Variants in PDE4D observed in about 807,000 individuals in gnomAD.
PDE4D encodes the protein 3',5'-cyclic-AMP phosphodiesterase 4D.
In PDE4D, 24 loss-of-function variants were observed where a neutral mutation model predicts 87.4. That is an observed-to-expected ratio of 0.27 (90% CI 0.20 to 0.39). The LOEUF (loss-of-function observed/expected upper bound fraction) is 0.39. Among genes scored for constraint, PDE4D ranks in the 10% least tolerant of loss-of-function variants. The pLI, the probability that PDE4D is intolerant of heterozygous loss-of-function variation, is 1.00. For missense variants in PDE4D, 714 were observed against 1,041.0 expected (o/e 0.69, Z 4.32); for synonymous variants, 384 against 383.2 (o/e 1.00, Z -0.02).
chr5:60,207,070 G>T (rs1742624405), intron 1 of PDE4D, among the ~76,000 whole-genome samples: 1 of 152,138 alleles, frequency 6.6e-6, no homozygotes, highest in African/African-American at 2.4e-5. Context: ...GGTCCATAAG[G>T]TGTATGGATA....
Position 60,160,217 on chromosome 5 carries a change from CAT to C in PDE4D, c.42+25338_42+25339del, listed in dbSNP as rs1301917336. 2.0e-5 allele frequency among the ~76,000 whole-genome samples: 3 copies of C among 152,280 alleles called. 1 individual carries two copies. The highest frequency in any genetic ancestry group is 7.2e-5 in the African/African-American group (3 of 41,562). ...AAGAATACGGTATATAATACAAAAA[CAT>C]AAAAATTATGTGTTAATTGACTTTG... is the stretch of plus-strand genomic sequence containing the variant. On this transcript the variant is annotated intron_variant, in intron 2 of 16. Transcript: ENST00000502484.
chr5:60,457,915 C>A (rs372477018), intron 1 of PDE4D, among the ~76,000 whole-genome samples: 1 of 152,104 alleles, frequency 6.6e-6, no homozygotes, highest in South Asian at 2.1e-4. Flanking sequence ...GAACAAGATC[C>A]GATTGATTTG....
intron 5 of PDE4D, among the ~76,000 whole-genome samples, chr5:59,053,242 G>A (rs1280864696): frequency 6.6e-6 from 1 of 151,926 alleles, no homozygotes; most frequent in Non-Finnish European, 1.5e-5. Flanking sequence ...CCCTGATCTT[G>A]TAAGCCCAAA....
chr5:60,493,471 G>C (rs1435909767), intron 1 of PDE4D, among the ~76,000 whole-genome samples: 1 of 152,122 alleles, frequency 6.6e-6, no homozygotes, highest in African/African-American at 2.4e-5. Context: ...CAGAGCAAGA[G>C]AATATCAACT....
intron 2 of PDE4D, among the ~76,000 whole-genome samples, chr5:59,208,571 G>T (rs773876012): frequency 6.6e-6 from 1 of 152,026 alleles, no homozygotes; most frequent in Non-Finnish European, 1.5e-5. Flanking sequence ...TTATACTGTG[G>T]CATTAAAAAC....
intron 1 of PDE4D, chr5:59,768,127 T>C: frequency 7.8e-7 from 1 of 1,282,012 alleles, no homozygotes. Context: ...CACTTGGCCA[T>C]AAATCCCCGG....
chr5:59,956,672 T>C (rs1331109162), intron 3 of PDE4D, among the ~76,000 whole-genome samples: 2 of 152,204 alleles, frequency 1.3e-5, no homozygotes, highest in Non-Finnish European at 2.9e-5. Flanking sequence ...AAAAAATTTA[T>C]AAAGCTTGTG....
intron 5 of PDE4D, among the ~76,000 whole-genome samples, chr5:59,167,663 CCTTT>C (rs1782117038): frequency 6.6e-6 from 1 of 152,200 alleles, no homozygotes; most frequent in Non-Finnish European, 1.5e-5. Flanking sequence ...TCTCTCCCTT[CCTTT>C]CTCTCTTCTT....
chr5:60,475,565 C>A (rs1357275418), intron 1 of PDE4D, among the ~76,000 whole-genome samples: 1 of 152,060 alleles, frequency 6.6e-6, no homozygotes, highest in Non-Finnish European at 1.5e-5. Flanking sequence ...ATAAGGAAAA[C>A]AAAATATACC....
At chr5:60,267,193 C>T (rs1441892957) in intron 1 of PDE4D, among the ~76,000 whole-genome samples, 1 of 152,124 alleles carries the variant, frequency 6.6e-6, no homozygotes. Flanking sequence ...AAATATACAA[C>T]AGCATATAAG....
At chr5:60,513,683 C>A (rs1583967736) in intron 1 of PDE4D, among the ~76,000 whole-genome samples, 1 of 151,974 alleles carries the variant, frequency 6.6e-6, no homozygotes, top group East Asian at 1.9e-4. Context: ...ACTGGAAAAT[C>A]CCCATATATT....
intron 1 of PDE4D, among the ~76,000 whole-genome samples, chr5:59,409,952 T>A (rs1251874007): frequency 6.6e-6 from 1 of 152,182 alleles, no homozygotes; most frequent in African/African-American, 2.4e-5. Flanking sequence ...GAGTACATAG[T>A]AAGTATATGA....
chr5:59,503,801 T>G (rs921401122), intron 1 of PDE4D, among the ~76,000 whole-genome samples: 1 of 152,128 alleles, frequency 6.6e-6, no homozygotes, highest in African/African-American at 2.4e-5. Flanking sequence ...TATTTTGGAG[T>G]TGGAACTCTC....
At chr5:60,502,274 G>T (rs1750117412) in intron 1 of PDE4D, among the ~76,000 whole-genome samples, 1 of 152,156 alleles carries the variant, frequency 6.6e-6, no homozygotes, top group Non-Finnish European at 1.5e-5. Flanking sequence ...TTTCCCCATT[G>T]CTTGTTTTTC....
intron 1 of PDE4D, among the ~76,000 whole-genome samples, chr5:59,686,495 G>T (rs188270518): frequency 6.6e-6 from 1 of 152,094 alleles, no homozygotes; most frequent in East Asian, 1.9e-4. Context: ...GGGAAATAAA[G>T]ATATATATCA....
chr5:58,993,184 T>C (rs1748313187), intron 7 of PDE4D, among the ~76,000 whole-genome samples, 188 bp downstream of exon 7: 1 of 152,146 alleles, frequency 6.6e-6, no homozygotes, highest in African/African-American at 2.4e-5. Flanking sequence ...TAAGAAAATG[T>C]ACCTTGTCAC....
intron 5 of PDE4D, among the ~76,000 whole-genome samples, chr5:59,079,848 G>GGAGAGGAGAGGAGAGGAGA (rs1561447222): frequency 0.065 from 6,325 of 97,490 alleles, 473 homozygotes; most frequent in Middle Eastern, 0.092. Context: ...GGGAGAGGAG[G>GGAGAGGAGAGGAGAGGAGA]GGAGAGGAGA....
At chr5:59,653,039 G>A (rs551070429) in intron 1 of PDE4D, among the ~76,000 whole-genome samples, 5 of 151,746 alleles carry the variant, frequency 3.3e-5, no homozygotes, top group African/African-American at 1.2e-4. Context: ...TCACATTCCA[G>A]AAACATTTCC....
At chr5:59,240,658 T>C (rs372690914) in intron 1 of PDE4D, among the ~76,000 whole-genome samples, 7 of 152,170 alleles carry the variant, frequency 4.6e-5, no homozygotes, top group Non-Finnish European at 1.0e-4. Flanking sequence ...TATCTGTTTA[T>C]GTCATTCTAA....
Sources: allele counts gnomAD v4.1 joint callset (sites outside exome capture counted in the v4.1 genomes callset), GRCh38; gene constraint gnomAD v4.1.1; transcripts MANE v1.5; gene names NCBI Gene and HGNC (gene_info 2026-07-23, HGNC 2026-07-21).